The following PDE4B variants were observed in gnomAD, a reference collection of about 807,000 sequenced individuals.
PDE4B encodes the protein phosphodiesterase 4B.
PDE4B carries 20 observed loss-of-function variants against 82.2 expected under a neutral mutation model. That is an observed-to-expected ratio of 0.24 (90% CI 0.17 to 0.35). The LOEUF (loss-of-function observed/expected upper bound fraction) is 0.35. Among genes scored for constraint, PDE4B ranks in the 10% least tolerant of loss-of-function variants. The pLI is 1.00. For synonymous variants in PDE4B, 320 were observed against 318.9 expected, an observed-to-expected ratio of 1.00 and a Z score of -0.04; for missense variants, 655 against 907.2, an observed-to-expected ratio of 0.72 and a Z score of 3.57.
At chr1:65,924,126 G>C (rs1000496001) in intron 3 of PDE4B, among the ~76,000 whole-genome samples, 1 of 88,320 alleles carries the variant, frequency 1.1e-5, no homozygotes, top group Non-Finnish European at 2.1e-5. Context: ...CCAGGCTGGA[G>C]TGCAGTGGCG....
intron 7 of PDE4B, among the ~76,000 whole-genome samples, chr1:66,298,731 A>G (rs1270875101): frequency 6.6e-6 from 1 of 152,150 alleles, no homozygotes; most frequent in African/African-American, 2.4e-5. Context: ...TTGTACAAAC[A>G]TTCCCTGAAA....
chr1:66,215,116 G>C (rs1187189571), intron 3 of PDE4B, among the ~76,000 whole-genome samples: 1 of 152,128 alleles, frequency 6.6e-6, no homozygotes, highest in Non-Finnish European at 1.5e-5. Flanking sequence ...CAGAGCCCAG[G>C]AGGTGCAAAG....
At chr1:66,204,515 T>C (rs1233190700) in intron 3 of PDE4B, among the ~76,000 whole-genome samples, 1 of 152,274 alleles carries the variant, frequency 6.6e-6, no homozygotes, top group Non-Finnish European at 1.5e-5. Context: ...GCTTCCTGGC[T>C]GCTTTGTTTA....
intron 1 of PDE4B, among the ~76,000 whole-genome samples, chr1:65,843,383 C>T (rs1298763685): frequency 1.3e-5 from 2 of 152,178 alleles, no homozygotes; most frequent in African/African-American, 4.8e-5. Flanking sequence ...ATATGGCAAA[C>T]TTTGCCCTTT....
chr1:66,230,111 G>C (rs1056924121), intron 3 of PDE4B, among the ~76,000 whole-genome samples: 1 of 152,212 alleles, frequency 6.6e-6, no homozygotes, highest in Non-Finnish European at 1.5e-5. Flanking sequence ...CTTCCACAGA[G>C]TTGCTTAATT....
chr1:66,361,561 A>T, intron 9 of PDE4B, 54 bp from the exon 10 acceptor site: 1 of 1,383,568 alleles, frequency 7.2e-7, no homozygotes, highest in South Asian at 1.3e-5. Context: ...TGAATATTGC[A>T]GTGGATTCTC....
intron 1 of PDE4B, among the ~76,000 whole-genome samples, chr1:65,911,971 A>G (rs1278039083): frequency 6.6e-6 from 1 of 152,042 alleles, no homozygotes; most frequent in Non-Finnish European, 1.5e-5. Flanking sequence ...CTGTTAATCT[A>G]TATATATCTT....
intron 3 of PDE4B, among the ~76,000 whole-genome samples, chr1:66,005,558 C>T (rs1189159938): frequency 1.3e-5 from 2 of 151,988 alleles, no homozygotes; most frequent in African/African-American, 4.8e-5. Context: ...ATCTTTAAGT[C>T]CAGGGATTCT....
intron 3 of PDE4B, among the ~76,000 whole-genome samples, chr1:66,073,938 G>T (rs1307934460): frequency 6.6e-6 from 1 of 152,132 alleles, no homozygotes; most frequent in Non-Finnish European, 1.5e-5. Flanking sequence ...TAGACCCAGG[G>T]TATATGAGAG....
At chr1:65,856,227 A>G (rs929998433) in intron 1 of PDE4B, among the ~76,000 whole-genome samples, 1 of 152,158 alleles carries the variant, frequency 6.6e-6, no homozygotes, top group Non-Finnish European at 1.5e-5. Flanking sequence ...TCTGGGATAC[A>G]TGGGCAGAAC....
At chr1:66,288,627 A>G (rs534534096) in intron 7 of PDE4B, among the ~76,000 whole-genome samples, 2 of 152,266 alleles carry the variant, frequency 1.3e-5, no homozygotes, top group South Asian at 4.1e-4. Context: ...CACAGAATGG[A>G]ATATAATTAT....
chr1:65,970,510 T>G (rs902105676), intron 3 of PDE4B, among the ~76,000 whole-genome samples: 3 of 152,196 alleles, frequency 2.0e-5, no homozygotes, highest in Non-Finnish European at 4.4e-5. Flanking sequence ...CAGTGGGTCT[T>G]ATGATTTGGT....
At chr1:66,058,060 G>A (rs1328717211) in intron 3 of PDE4B, among the ~76,000 whole-genome samples, 1 of 152,116 alleles carries the variant, frequency 6.6e-6, no homozygotes, top group Non-Finnish European at 1.5e-5. Context: ...ATACAATGGG[G>A]GTACAGCTAT....
chr1:65,976,203 G>C (rs1650399723), intron 3 of PDE4B, among the ~76,000 whole-genome samples: 1 of 152,200 alleles, frequency 6.6e-6, no homozygotes, highest in Admixed American at 6.5e-5. Flanking sequence ...GCATGCCCTG[G>C]ATGAGAGACA....
intron 3 of PDE4B, among the ~76,000 whole-genome samples, chr1:66,077,356 CTTAAT>C (rs1233939897): frequency 6.6e-6 from 1 of 152,136 alleles, no homozygotes; most frequent in African/African-American, 2.4e-5. Context: ...CACGTGTCAA[CTTAAT>C]TTAATTCTCA....
At chr1:66,207,689 G>A (rs536093235) in intron 3 of PDE4B, among the ~76,000 whole-genome samples, 88 of 152,260 alleles carry the variant, frequency 5.8e-4, no homozygotes, top group African/African-American at 2.0e-3. Context: ...AGTCCCAGTC[G>A]TAATGGTGAG....
At chr1:66,330,898 A>G (rs1461205026) in intron 7 of PDE4B, 3 of 585,424 alleles carry the variant, frequency 5.1e-6, no homozygotes, top group Non-Finnish European at 6.5e-6. Context: ...TCTTGTCTGC[A>G]CATTTTTGAA....
At chr1:65,875,794 A>T (rs11208764) in intron 1 of PDE4B, among the ~76,000 whole-genome samples, 6 of 125,282 alleles carry the variant, frequency 4.8e-5, no homozygotes, top group Non-Finnish European at 9.9e-5. Context: ...CACTCTGGGG[A>T]CTGTGGTGGG....
chr1:65,991,526 C>G (rs1432955591), intron 3 of PDE4B, among the ~76,000 whole-genome samples: 1 of 152,134 alleles, frequency 6.6e-6, no homozygotes, highest in Non-Finnish European at 1.5e-5. Flanking sequence ...TCTGCTTTGT[C>G]AAACTTATTT....
Sources: allele counts gnomAD v4.1 joint callset (sites outside exome capture counted in the v4.1 genomes callset), GRCh38; gene constraint gnomAD v4.1.1; transcripts MANE v1.5; gene names NCBI Gene and HGNC (gene_info 2026-07-23, HGNC 2026-07-21).